The following CREB5 variants were observed in gnomAD, a reference collection of about 807,000 sequenced individuals.
CREB5 encodes cAMP responsive element binding protein 5.
Under a neutral mutation model 57.1 loss-of-function variants are expected in CREB5, and 19 were observed. The observed-to-expected ratio is 0.33, with a 90% CI of 0.23 to 0.49. The LOEUF (loss-of-function observed/expected upper bound fraction) is 0.49. CREB5 is among the 20% of genes least tolerant of loss of function. The pLI is 0.99. For missense variants in CREB5, 579 were observed against 671.6 expected, an observed-to-expected ratio of 0.86 and a Z score of 1.52; for synonymous variants, 238 against 238.3, an observed-to-expected ratio of 1.00 and a Z score of 0.01.
chr7:28,518,602 A>G (rs922595418), intron 4 of CREB5, among the ~76,000 whole-genome samples: 2 of 152,196 alleles, frequency 1.3e-5, no homozygotes, highest in Non-Finnish European at 2.9e-5. Context: ...TCAGTGCTCT[A>G]GAATGTGGTG....
chr7:28,791,510 A>G (rs1807709478), intron 7 of CREB5, among the ~76,000 whole-genome samples: 1 of 152,210 alleles, frequency 6.6e-6, no homozygotes, highest in South Asian at 2.1e-4. Context: ...CTGACTCCTA[A>G]GAGATCACTT....
intron 6 of CREB5, among the ~76,000 whole-genome samples, chr7:28,723,306 A>C (rs1369696137): frequency 6.6e-6 from 1 of 152,182 alleles, no homozygotes; most frequent in Admixed American, 6.5e-5. Flanking sequence ...AAATATTATT[A>C]ATCAAACACA....
rs200825206 is a variant in CREB5, at chr7:28,494,899, C to T, written c.76-7C>T. 3.3e-3 allele frequency: 5,126 copies of T among 1,553,426 alleles called. 9 individuals are homozygous for T. The highest frequency in any genetic ancestry group is 4.0e-3 in the Non-Finnish European group (4,643 of 1,159,516). ...CTCCCCTCCCTTTTTTTTTATTCGT[C>T]CGACAGCGCTTCCCAACAGAGGACC... On this transcript the variant is annotated splice_polypyrimidine_tract_variant and splice_region_variant and intron_variant, in intron 2 of 10. Coordinates refer to ENST00000357727, the MANE Select transcript of CREB5 (RefSeq NM_182898.4).
At chr7:28,808,465 T>C (rs1808883923) in intron 8 of CREB5, among the ~76,000 whole-genome samples, 1 of 152,236 alleles carries the variant, frequency 6.6e-6, no homozygotes, top group South Asian at 2.1e-4. Context: ...GAGTCATCCA[T>C]ATTGTGATAA....
chr7:28,756,347 GT>G (rs1190178723), intron 7 of CREB5, among the ~76,000 whole-genome samples: 1 of 152,108 alleles, frequency 6.6e-6, no homozygotes, highest in Admixed American at 6.5e-5. Flanking sequence ...GAGGTTGGGA[GT>G]TCGAGACCAG....
intron 5 of CREB5, among the ~76,000 whole-genome samples, chr7:28,636,092 T>C (rs979297950): frequency 3.3e-5 from 5 of 152,258 alleles, no homozygotes; most frequent in African/African-American, 7.2e-5. Flanking sequence ...GAGTTCTTTT[T>C]TTAAGTTGAG....
chr7:28,333,858 G>A (rs1785762069), intron 1 of CREB5, among the ~76,000 whole-genome samples: 2 of 152,178 alleles, frequency 1.3e-5, no homozygotes, highest in African/African-American at 4.8e-5. Flanking sequence ...AAGGAGCATA[G>A]GAGTACAGCT....
Position 28,819,201 on chromosome 7 carries a change from A to G in CREB5, c.1449A>G (p.Ser483=). The change falls in exon 11 of 11, where the codon TCA becomes TCG. Residue 483 remains serine (S), a synonymous_variant. Transcript: ENST00000357727. ...AGCATAATACCATCACTACTTCCTC[A>G]TCGGTCAGCGAGGTGGTAGGAAGCT... is the stretch of plus-strand genomic sequence containing the variant. The part of the protein sequence containing the change: ...VIQHNTITTS[S]SVSEVVGSST... The G allele has an allele frequency of 6.2e-7, 1 of 1,613,810 alleles. No individual in the cohort carries two copies. The highest frequency in any genetic ancestry group is 8.5e-7 in the Non-Finnish European group (1 of 1,179,864).
chr7:28,414,879 T>C (rs1451403720), intron 1 of CREB5, among the ~76,000 whole-genome samples: 1 of 152,118 alleles, frequency 6.6e-6, no homozygotes, highest in African/African-American at 2.4e-5. Flanking sequence ...GAAGCTCTTA[T>C]TGAGGACTCT....
chr7:28,461,215 G>C (rs910557699), intron 1 of CREB5, among the ~76,000 whole-genome samples: 16 of 141,878 alleles, frequency 1.1e-4, no homozygotes, highest in African/African-American at 4.1e-4. Flanking sequence ...GGGCAACAGA[G>C]TGAGACTCTG....
intron 1 of CREB5, among the ~76,000 whole-genome samples, chr7:28,455,508 T>C (rs1355264315): frequency 6.6e-6 from 1 of 152,222 alleles, no homozygotes; most frequent in African/African-American, 2.4e-5. Flanking sequence ...ATGCTGTTTG[T>C]AAATTAAATC....
At chr7:28,467,534 C>T (rs1790641670) in intron 1 of CREB5, among the ~76,000 whole-genome samples, 2 of 152,246 alleles carry the variant, frequency 1.3e-5, no homozygotes, top group Middle Eastern at 3.4e-3. Flanking sequence ...CTAACACCTG[C>T]TCACAAGACC....
At chr7:28,522,164 GA>G (rs566204856) in intron 4 of CREB5, among the ~76,000 whole-genome samples, 153 of 152,294 alleles carry the variant, frequency 1.0e-3, no homozygotes, top group African/African-American at 3.6e-3. Context: ...TGAAAGTCAT[GA>G]AGCTAGTAAG....
intron 1 of CREB5, among the ~76,000 whole-genome samples, chr7:28,487,853 G>A (rs1791633050): frequency 6.6e-6 from 1 of 152,278 alleles, no homozygotes; most frequent in East Asian, 1.9e-4. Flanking sequence ...TCTTGCATAG[G>A]TGTGGTCTTT....
At chr7:28,391,988 T>C (rs1038572317) in intron 1 of CREB5, among the ~76,000 whole-genome samples, 3 of 152,160 alleles carry the variant, frequency 2.0e-5, no homozygotes, top group Admixed American at 2.0e-4. Flanking sequence ...TGGATGGAGC[T>C]GGAGGCCATT....
rs1269831345 is a variant in CREB5 at position 28,700,064 on chromosome 7, G to A, written c.465-18689G>A. 3.3e-5 allele frequency among the ~76,000 whole-genome samples: 5 copies of A among 152,202 alleles called. No homozygotes were observed. The South Asian group carries it at 1.0e-3, about 31-fold the overall frequency. ...TCAGACAGTCGATATTCCTAGAAAG[G>A]ATTGTTATCATCCAGAGATCGTTTT... is the stretch of plus-strand genomic sequence containing the variant. On this transcript the variant is annotated intron_variant, in intron 5 of 10. Coordinates refer to ENST00000357727, the MANE Select transcript of CREB5 (RefSeq NM_182898.4).
intron 5 of CREB5, among the ~76,000 whole-genome samples, chr7:28,579,084 CTT>C (rs1270733590): frequency 6.6e-6 from 1 of 152,202 alleles, no homozygotes; most frequent in Non-Finnish European, 1.5e-5. Context: ...GAGCTCTAGA[CTT>C]TGAACAGGCT....
At chr7:28,349,765 A>G (rs1037333450) in intron 1 of CREB5, among the ~76,000 whole-genome samples, 1 of 152,088 alleles carries the variant, frequency 6.6e-6, no homozygotes, top group Non-Finnish European at 1.5e-5. Context: ...GCTCCTTTTT[A>G]CTTTGATACT....
chr7:28,358,827 C>T (rs1160742096), intron 1 of CREB5, among the ~76,000 whole-genome samples: 1 of 152,166 alleles, frequency 6.6e-6, no homozygotes. Flanking sequence ...TAGAGCCATC[C>T]TGAGATGAAG....
Sources: gnomAD v4.1 joint callset for allele counts (sites outside exome capture counted in the v4.1 genomes callset) on GRCh38, gnomAD v4.1.1 for gene constraint, MANE v1.5 for transcripts, NCBI Gene and HGNC (gene_info 2026-07-23, HGNC 2026-07-21) for gene names.